DENND5B: variants seen among roughly 807,000 people sequenced by gnomAD.
DENND5B encodes DENN domain containing 5B.
A neutral mutation model predicts 140.6 loss-of-function variants in DENND5B; 34 were observed. The ratio of observed to expected loss-of-function variants is 0.24; its 90% CI spans 0.18 to 0.32. DENND5B has a LOEUF of 0.32. Ranked by LOEUF, DENND5B falls within the 10% of genes least tolerant of loss-of-function variation. The pLI, the probability that DENND5B is intolerant of heterozygous loss-of-function variation, is 1.00. For synonymous variants in DENND5B, 551 were observed against 562.1 expected (o/e 0.98, Z 0.28); for missense variants, 1,142 against 1,560.2 (o/e 0.73, Z 4.52).
intron 15 of DENND5B, among the ~76,000 whole-genome samples, chr12:31,400,834 C>T (rs148218873): frequency 5.1e-4 from 65 of 127,418 alleles, no homozygotes; most frequent in Non-Finnish European, 8.7e-4. Flanking sequence ...ATTAGAGCTA[C>T]GAGTTTTTTT....
chr12:31,581,194 A>C (rs1950199724), intron 1 of DENND5B, among the ~76,000 whole-genome samples: 1 of 152,210 alleles, frequency 6.6e-6, no homozygotes, highest in Admixed American at 6.5e-5. Flanking sequence ...ATACAAAGGA[A>C]GTTATTAGAG....
In DENND5B at chr12:31,384,465, A is replaced by G. The variant is rs941856259; in HGVS notation, c.*3138T>C. On this transcript the variant is annotated 3_prime_UTR_variant, in exon 21 of 21. Transcript: ENST00000389082. ...AAGGCCAAGATTGACTGCCATTGGG[A>G]ATATTCAAAAGAATGGGGGTACTGG... 1 of 152,200 alleles carries G rather than the reference A, an allele frequency of 6.6e-6. No homozygotes were observed. Among genetic ancestry groups the G allele is most frequent in the African/African-American group, 2.4e-5 (1 of 41,444 alleles). The allele number at this position is 152,200 out of a possible 1,614,324, so 9.4% of individuals were successfully genotyped here.
intron 20 of DENND5B, 41 bp from the exon 21 acceptor site, chr12:31,387,827 C>T: frequency 1.3e-6 from 2 of 1,586,266 alleles, no homozygotes; most frequent in South Asian, 2.3e-5. Context: ...CATTGCTGGC[C>T]TCGCTGCAGA....
rs2138009000 is a variant in DENND5B, at chr12:31,444,379, G to A, written c.1862-1454C>T. Among the ~76,000 whole-genome samples, 3 of 152,252 alleles carry A rather than the reference G, an allele frequency of 2.0e-5. 1 individual carries two copies. The highest frequency in any genetic ancestry group is 4.8e-5 in the African/African-American group (2 of 41,550). On this transcript the variant is annotated intron_variant, in intron 6 of 20. Transcript: ENST00000389082. ...CTGCCTCAGCCTCCCGAGTAGCTGG[G>A]ATTACAGGCACCCGCCACCATGCCC...
At chr12:31,497,213 G>C (rs1320939493) in intron 1 of DENND5B, among the ~76,000 whole-genome samples, 1 of 151,754 alleles carries the variant, frequency 6.6e-6, no homozygotes, top group African/African-American at 2.4e-5. Context: ...GAATTTTTTT[G>C]AACAAGGACA....
At chr12:31,586,378 C>A (rs1040946243) in intron 1 of DENND5B, among the ~76,000 whole-genome samples, 1 of 152,132 alleles carries the variant, frequency 6.6e-6, no homozygotes. Flanking sequence ...TGAAAATATA[C>A]AGTGGGTAGG....
rs577619783 is a variant in DENND5B, at chr12:31,474,858, A to G, written c.904+4731T>C. ...TCAATATTAAAATCTAGATTTACAC[A>G]GCGCTTTCATTTTATACTCTACAAT... On this transcript the variant is annotated intron_variant, in intron 3 of 20. Transcript: ENST00000389082. Among the ~76,000 whole-genome samples the G allele has an allele frequency of 1.8e-3, 272 of 152,352 alleles. 1 individual carries two copies. The highest frequency in any genetic ancestry group is 2.6e-3 in the Non-Finnish European group (180 of 68,034).
chr12:31,568,823 C>T (rs1301466545), intron 1 of DENND5B, among the ~76,000 whole-genome samples: 2 of 152,168 alleles, frequency 1.3e-5, no homozygotes, highest in Non-Finnish European at 2.9e-5. Context: ...TAAACCACAG[C>T]ATTCTAACTG....
At chr12:31,428,629 T>G (rs10843945) in intron 8 of DENND5B, among the ~76,000 whole-genome samples, 149,426 of 151,810 alleles carry the variant, frequency 0.98, 73,590 homozygotes, top group Middle Eastern at 1. Flanking sequence ...GTGCAATGGC[T>G]TGATCTCGGC....
chr12:31,495,389 C>CT (rs149645342), intron 2 of DENND5B, among the ~76,000 whole-genome samples: 5 of 136,206 alleles, frequency 3.7e-5, no homozygotes, highest in Non-Finnish European at 7.7e-5. Flanking sequence ...CTTTTTTTTT[C>CT]TTTTTTTGAG....
chr12:31,485,687 CAG>C (rs1946273325), intron 2 of DENND5B, among the ~76,000 whole-genome samples: 1 of 151,956 alleles, frequency 6.6e-6, no homozygotes, highest in Admixed American at 6.6e-5. Flanking sequence ...TGACAAGTGA[CAG>C]AGTGACTTTT....
intron 1 of DENND5B, among the ~76,000 whole-genome samples, chr12:31,526,455 C>T (rs987002692): frequency 6.6e-6 from 1 of 152,154 alleles, no homozygotes; most frequent in Non-Finnish European, 1.5e-5. Flanking sequence ...TGCCCTGTAG[C>T]TATATATTCT....
At chr12:31,584,314 G>A (rs1592098303) in intron 1 of DENND5B, among the ~76,000 whole-genome samples, 1 of 152,100 alleles carries the variant, frequency 6.6e-6, no homozygotes. Context: ...GTCTATGCTG[G>A]TGTGTCCTGT....
intron 1 of DENND5B, among the ~76,000 whole-genome samples, chr12:31,554,155 GC>G (rs1949185111): frequency 6.6e-6 from 1 of 152,158 alleles, no homozygotes; most frequent in Non-Finnish European, 1.5e-5. Context: ...TTTCTTCCTA[GC>G]CTTGATGGTC....
chr12:31,467,552 T>C (rs750736614), intron 3 of DENND5B, among the ~76,000 whole-genome samples: 3 of 152,044 alleles, frequency 2.0e-5, no homozygotes, highest in East Asian at 1.9e-4. Flanking sequence ...GGCAGTAGGA[T>C]TGCTTGAGCC....
chr12:31,539,592 T>A (rs1190925849), intron 1 of DENND5B, among the ~76,000 whole-genome samples: 1 of 152,180 alleles, frequency 6.6e-6, no homozygotes, highest in Non-Finnish European at 1.5e-5. Flanking sequence ...TCAATCAATC[T>A]GATATATCAT....
At chr12:31,405,637 G>A (rs1435505074) in intron 14 of DENND5B, among the ~76,000 whole-genome samples, 2 of 150,040 alleles carry the variant, frequency 1.3e-5, no homozygotes, top group Non-Finnish European at 3.0e-5. Context: ...AACCTCTGCC[G>A]CCCGGGTTCA....
intron 5 of DENND5B, among the ~76,000 whole-genome samples, chr12:31,451,229 CAT>C (rs1944504683): frequency 6.6e-6 from 1 of 152,054 alleles, no homozygotes; most frequent in Non-Finnish European, 1.5e-5. Context: ...CATACTTGAT[CAT>C]AAAGTAAGAG....
intron 1 of DENND5B, chr12:31,500,747 C>A (rs187380538): frequency 1.4e-3 from 222 of 159,118 alleles, no homozygotes; most frequent in African/African-American, 4.9e-3. Flanking sequence ...GCTTAAGTCC[C>A]AAAAGCTGAC....
Sources: allele counts gnomAD v4.1 joint callset (sites outside exome capture counted in the v4.1 genomes callset), GRCh38; gene constraint gnomAD v4.1.1; transcripts MANE v1.5; gene names NCBI Gene and HGNC (gene_info 2026-07-23, HGNC 2026-07-21).